Variants in DERL2 observed in about 807,000 individuals in gnomAD.
DERL2 encodes the protein derlin-2.
Under a neutral mutation model 32.0 loss-of-function variants are expected in DERL2, and 13 were observed. That is an observed-to-expected ratio of 0.41 (90% confidence interval 0.26 to 0.65). The LOEUF is 0.65. DERL2 is among the 30% of genes least tolerant of loss of function. DERL2 has a pLI of 0.35. For missense variants in DERL2, 208 were observed against 296.3 expected (o/e 0.70, Z 2.19); for synonymous variants, 111 against 104.7 (o/e 1.06, Z -0.37).
At chr17:5,480,668 G>A (rs2151705368) in intron 4 of DERL2, 86 bp from the exon 5 acceptor site, 1 of 1,224,814 alleles carries the variant, frequency 8.2e-7, no homozygotes, top group Non-Finnish European at 1.1e-6. Context: ...TGTTCTAACA[G>A]AAGTTTGAAT....
At chr17:5,486,580 T>C (rs1906337448), upstream of DERL2, 1 of 156,708 alleles carries the variant, frequency 6.4e-6, no homozygotes, top group Non-Finnish European at 1.4e-5. Context: ...GTCGGAATTT[T>C]GGGGAGCCAA....
chr17:5,477,247 A>G (rs1418540076), intron 6 of DERL2, among the ~76,000 whole-genome samples: 1 of 152,240 alleles, frequency 6.6e-6, no homozygotes, highest in Non-Finnish European at 1.5e-5. Context: ...GAAGCCTTAT[A>G]CCAAAGAGTA....
At chr17:5,476,050 G>A (rs1905362279) in intron 6 of DERL2, among the ~76,000 whole-genome samples, 1 of 152,054 alleles carries the variant, frequency 6.6e-6, no homozygotes, top group Non-Finnish European at 1.5e-5. Context: ...TTAAGATGGT[G>A]AATTTTATGT....
Position 5,481,011 on chromosome 17 carries a change from A to G in DERL2, c.327+285T>C. 1 of 549,634 alleles carries G rather than the reference A, an allele frequency of 1.8e-6. No individual in the cohort carries two copies. The highest frequency in any genetic ancestry group is 2.6e-5 in the South Asian group (1 of 37,742). The allele number at this position is 549,634 out of a possible 1,614,324, so 34.0% of individuals were successfully genotyped here. A position where few individuals can be genotyped will look rare whatever the true frequency, so the allele number is the denominator to read the frequency against. ...GAAAAAATAATTTATTGGTTTTGGT[A>G]GCCACCAAGTAAATGTCTTACCAAC... On this transcript the variant is annotated intron_variant, in intron 4 of 6. Coordinates refer to ENST00000158771, the MANE Select transcript of DERL2 (RefSeq NM_016041.5). This position sits in a 1 kb window ranked among gnomAD's most constrained non-coding sequence, Gnocchi z 4.4.
chr17:5,477,574 TGGA>T (rs976639713), intron 6 of DERL2, among the ~76,000 whole-genome samples: 18 of 152,356 alleles, frequency 1.2e-4, no homozygotes, highest in African/African-American at 4.1e-4. Context: ...CATTTTGGAT[TGGA>T]AAGCTAGATG....
At position 5,474,639 on chromosome 17, in the gene DERL2, T is replaced by G. The variant is rs368865081; in HGVS notation, c.*45A>C. The G allele has an allele frequency of 1.4e-4, 208 of 1,442,422 alleles. No individual in the cohort carries two copies. The highest frequency in any genetic ancestry group is 2.4e-4 in the Middle Eastern group (1 of 4,140). 89.4% of individuals were successfully genotyped at this position (1,442,422 alleles called of 1,614,324 possible). A position where few individuals can be genotyped will look rare whatever the true frequency, so the allele number is the denominator to read the frequency against. On this transcript the variant is annotated 3_prime_UTR_variant, in exon 7 of 7. Coordinates refer to ENST00000158771, the MANE Select transcript of DERL2 (RefSeq NM_016041.5). This position sits in a 1 kb window ranked among gnomAD's most constrained non-coding sequence, Gnocchi z 4.3. ...AAAGGATAAAAGATCCCAGTGGGTA[T>G]CACCGAGTCCTTCCCAGCTGGGTCT... is the stretch of plus-strand genomic sequence containing the variant.
chr17:5,476,713 G>A (rs528346630), intron 6 of DERL2, among the ~76,000 whole-genome samples: 26 of 152,248 alleles, frequency 1.7e-4, no homozygotes, highest in Non-Finnish European at 2.4e-4. Flanking sequence ...CCCAGGAGGC[G>A]GAGGTTGCAG....
At chr17:5,486,179 G>GCCCCACCCCCCACCCCCCACC, upstream of DERL2, 1 of 1,540,444 alleles carries the variant, frequency 6.5e-7, no homozygotes, top group Non-Finnish European at 8.8e-7. Flanking sequence ...ACCGTCGCCT[G>GCCCCACCCCCCACCCCCCACC]CCCCACCCCC....
rs977616992 is a variant in DERL2, at chr17:5,471,452, T to C, written c.*3232A>G. The C allele has an allele frequency of 6.6e-6, 1 of 152,178 alleles. No homozygotes were observed. Among genetic ancestry groups the C allele is most frequent in the African/African-American group, 2.4e-5 (1 of 41,442 alleles). The allele number at this position is 152,178 out of a possible 1,614,324, so 9.4% of individuals were successfully genotyped here. ...ATATAATTTGGCGTTAAGAATGTCA[T>C]ACAGACTTGAAGCTTTATAGGGATT... is the stretch of plus-strand genomic sequence containing the variant. On this transcript the variant is annotated 3_prime_UTR_variant, in exon 7 of 7. Transcript: ENST00000158771.
chr17:5,482,780 T>C (rs1340549817), intron 3 of DERL2, 29 bp downstream of exon 3: 1 of 1,274,048 alleles, frequency 7.8e-7, no homozygotes, highest in Non-Finnish European at 1.1e-6. Flanking sequence ...GAAAAAGTTT[T>C]GATGCTGACC....
upstream of DERL2, chr17:5,486,439 T>A: frequency 3.2e-6 from 1 of 315,618 alleles, no homozygotes; most frequent in Non-Finnish European, 5.8e-6. Flanking sequence ...AGGTTCCTTC[T>A]GCCAATCCCC....
Position 5,474,612 on chromosome 17 carries a change from A to G in DERL2, c.*72T>C, listed in dbSNP as rs969669315. On this transcript the variant is annotated 3_prime_UTR_variant, in exon 7 of 7. Transcript: ENST00000158771. This position sits in a 1 kb window ranked among gnomAD's most constrained non-coding sequence, Gnocchi z 4.3. Reference sequence around the variant, plus strand: ...TGTCAAAAGTGTCCACACTTTTGCAACAAAGGATAAAAGATCCCAGTGGGT... The same window carrying G: ...TGTCAAAAGTGTCCACACTTTTGCAGCAAAGGATAAAAGATCCCAGTGGGT... 2.2e-5 allele frequency: 27 copies of G among 1,230,158 alleles called. No individual in the cohort carries two copies. The African/African-American group carries it at 3.9e-4, about 18-fold the overall frequency. The allele number at this position is 1,230,158 out of a possible 1,614,324, so 76.2% of individuals were successfully genotyped here. A position where few individuals can be genotyped will look rare whatever the true frequency, so the allele number is the denominator to read the frequency against.
intron 6 of DERL2, among the ~76,000 whole-genome samples, chr17:5,478,882 C>T (rs3888575): frequency 0.28 from 42,066 of 152,098 alleles, 7,201 homozygotes; most frequent in African/African-American, 0.49. Flanking sequence ...TGCAGTGGTG[C>T]GATCTCGGCT....
In DERL2 at chr17:5,472,744, A is replaced by G. The variant is rs965325105; in HGVS notation, c.*1940T>C. 3 of 152,110 alleles carry G rather than the reference A, an allele frequency of 2.0e-5. No homozygotes were observed. The highest frequency in any genetic ancestry group is 4.4e-5 in the Non-Finnish European group (3 of 68,006). The allele number at this position is 152,110 out of a possible 1,614,324, so 9.4% of individuals were successfully genotyped here. A position where few individuals can be genotyped will look rare whatever the true frequency, so the allele number is the denominator to read the frequency against. The stretch of plus-strand genomic sequence containing the variant: ...CAACTCAGGGAGAACAAATAAAACT[A>G]GAGAAACTCATTTCTAGCCCAAAAA... On this transcript the variant is annotated 3_prime_UTR_variant, in exon 7 of 7. Coordinates refer to ENST00000158771, the MANE Select transcript of DERL2 (RefSeq NM_016041.5).
At chr17:5,475,689 C>A (rs1024330036) in intron 6 of DERL2, among the ~76,000 whole-genome samples, 5 of 152,066 alleles carry the variant, frequency 3.3e-5, no homozygotes, top group African/African-American at 1.2e-4. Flanking sequence ...GCACAGGTTA[C>A]AGTGAGCTGA....
At position 5,472,479 on chromosome 17, in the gene DERL2, C is replaced by T. The variant is rs1333454184; in HGVS notation, c.*2205G>A. The T allele has an allele frequency of 6.6e-6, 1 of 152,234 alleles. No individual in the cohort carries two copies. The highest frequency in any genetic ancestry group is 2.4e-5 in the African/African-American group (1 of 41,450). 9.4% of individuals were successfully genotyped at this position (152,234 alleles called of 1,614,324 possible). A position where few individuals can be genotyped will look rare whatever the true frequency, so the allele number is the denominator to read the frequency against. On this transcript the variant is annotated 3_prime_UTR_variant, in exon 7 of 7. Coordinates refer to ENST00000158771, the MANE Select transcript of DERL2 (RefSeq NM_016041.5). The stretch of plus-strand genomic sequence containing the variant: ...TGAGAGGTGATTGAAATTACCACTG[C>T]TCAGGACACAGTGTAGTCAGTCACA...
Position 5,481,414 on chromosome 17 carries a change from T to C in DERL2, c.234-25A>G. Reference sequence around the variant, plus strand: ...TCTTAAGTTCCAAGTTAAGAAAATATTAAGCACACGAATATGAACAAAGTA... The same window carrying C: ...TCTTAAGTTCCAAGTTAAGAAAATACTAAGCACACGAATATGAACAAAGTA... On this transcript the variant is annotated intron_variant, in intron 3 of 6. Transcript: ENST00000158771. This position sits in a 1 kb window ranked among gnomAD's most constrained non-coding sequence, Gnocchi z 4.4. 6.6e-7 allele frequency: 1 copy of C among 1,522,994 alleles called. No homozygotes were observed. The highest frequency in any genetic ancestry group is 9.1e-7 in the Non-Finnish European group (1 of 1,097,604). The allele number at this position is 1,522,994 out of a possible 1,614,324, so 94.3% of individuals were successfully genotyped here. A position where few individuals can be genotyped will look rare whatever the true frequency, so the allele number is the denominator to read the frequency against.
Position 5,482,799 on chromosome 17 carries a change from T to C in DERL2, c.233+10A>G. The C allele has an allele frequency of 7.0e-7, 1 of 1,430,546 alleles. No homozygotes were observed. The highest frequency in any genetic ancestry group is 9.6e-7 in the Non-Finnish European group (1 of 1,038,748). The allele number at this position is 1,430,546 out of a possible 1,614,324, so 88.6% of individuals were successfully genotyped here. Reference sequence around the variant, plus strand: ...AAGTTTTGATGCTGACCCCATTTAATAAAGGATACAGAAAAATCATGTTAA... The same window carrying C: ...AAGTTTTGATGCTGACCCCATTTAACAAAGGATACAGAAAAATCATGTTAA... On this transcript the variant is annotated intron_variant, in intron 3 of 6. Coordinates refer to ENST00000158771, the MANE Select transcript of DERL2 (RefSeq NM_016041.5).
upstream of DERL2, chr17:5,486,340 G>A (rs1906301963): frequency 6.9e-6 from 3 of 433,508 alleles, no homozygotes; most frequent in East Asian, 4.7e-5. Context: ...CGCCAATCAC[G>A]AGTTGCGTCG....
Sources: allele counts gnomAD v4.1 joint callset (sites outside exome capture counted in the v4.1 genomes callset), GRCh38; gene constraint gnomAD v4.1.1; non-coding constraint Gnocchi (gnomAD v3.1); transcripts MANE v1.5; gene names NCBI Gene and HGNC (gene_info 2026-07-23, HGNC 2026-07-21).